The following XKR6 variants were observed in gnomAD, a reference collection of about 807,000 sequenced individuals.
XKR6 encodes the protein XK related 6.
A neutral mutation model predicts 56.7 loss-of-function variants in XKR6; 22 were observed. That is an observed-to-expected ratio of 0.39 (90% CI 0.28 to 0.55). XKR6 has a LOEUF of 0.55. Ranked by LOEUF, XKR6 falls within the 20% of genes least tolerant of loss-of-function variation. The pLI is 0.66. For missense variants in XKR6, 852 were observed against 889.0 expected (o/e 0.96, Z 0.53); for synonymous variants, 524 against 387.8 (o/e 1.35, Z -4.13).
chr8:10,949,508 AC>A (rs1308247278), intron 1 of XKR6, among the ~76,000 whole-genome samples: 4 of 152,224 alleles, frequency 2.6e-5, no homozygotes, highest in Admixed American at 6.5e-5. Flanking sequence ...AGGAAGGCAC[AC>A]CTGTTCCTAG....
At chr8:11,158,596 A>G (rs1247551521) in intron 1 of XKR6, among the ~76,000 whole-genome samples, 1 of 152,174 alleles carries the variant, frequency 6.6e-6, no homozygotes, top group African/African-American at 2.4e-5. Context: ...GACCAACACA[A>G]TCCCTCTTAT....
chr8:11,050,236 A>G (rs1213119317), intron 1 of XKR6, among the ~76,000 whole-genome samples: 1 of 152,202 alleles, frequency 6.6e-6, no homozygotes, highest in Admixed American at 6.5e-5. Flanking sequence ...GGGCAATGTA[A>G]CTGCGACAGG....
chr8:10,949,037 A>T (rs79072258), intron 1 of XKR6, among the ~76,000 whole-genome samples: 1 of 152,136 alleles, frequency 6.6e-6, no homozygotes, highest in African/African-American at 2.4e-5. Flanking sequence ...ATCTCCACTG[A>T]GTGAGCCTCA....
intron 1 of XKR6, among the ~76,000 whole-genome samples, chr8:11,191,749 A>G (rs536594827): frequency 6.6e-6 from 1 of 152,252 alleles, no homozygotes; most frequent in South Asian, 2.1e-4. Context: ...AAACAGCAAT[A>G]TAATTCATAA....
intron 2 of XKR6, among the ~76,000 whole-genome samples, chr8:10,900,975 T>C (rs554896288): frequency 6.7e-6 from 1 of 149,168 alleles, no homozygotes; most frequent in South Asian, 2.2e-4. Flanking sequence ...CCGTCTCCCA[T>C]ACATGGGACC....
Position 11,013,337 on chromosome 8 carries a change from G to A in XKR6, c.765-88507C>T, listed in dbSNP as rs529351181. 2.6e-5 allele frequency among the ~76,000 whole-genome samples: 4 copies of A among 152,312 alleles called. 1 individual carries two copies. The South Asian group carries it at 8.3e-4, about 32-fold the overall frequency. On this transcript the variant is annotated intron_variant, in intron 1 of 2. Transcript: ENST00000416569. ...TTTAAGGAGAGGAGAGGAGAGACAG[G>A]AGGAAGGTTTACTTTAGCCCATCAC... is the stretch of plus-strand genomic sequence containing the variant.
intron 1 of XKR6, among the ~76,000 whole-genome samples, chr8:11,178,545 A>AAT (rs1332661026): frequency 1.3e-5 from 1 of 78,990 alleles, no homozygotes; most frequent in Non-Finnish European, 3.8e-5. Context: ...CTGAGAGGTA[A>AAT]AAATATATAT....
intron 1 of XKR6, among the ~76,000 whole-genome samples, chr8:11,076,013 T>C (rs1800265303): frequency 6.6e-6 from 1 of 152,220 alleles, no homozygotes; most frequent in African/African-American, 2.4e-5. Context: ...ACATGGTCCA[T>C]CCATCCACTG....
At chr8:11,088,228 T>C (rs1285743722) in intron 1 of XKR6, among the ~76,000 whole-genome samples, 1 of 148,692 alleles carries the variant, frequency 6.7e-6, no homozygotes, top group African/African-American at 2.6e-5. Context: ...GTAAAAGAGA[T>C]ATTGTTAAAT....
At chr8:11,040,517 G>A (rs754890083) in intron 1 of XKR6, among the ~76,000 whole-genome samples, 4 of 152,224 alleles carry the variant, frequency 2.6e-5, no homozygotes, top group African/African-American at 7.2e-5. Context: ...GGGTGACCGT[G>A]CAATCCTGTC....
chr8:11,162,284 C>T (rs533532622), intron 1 of XKR6, among the ~76,000 whole-genome samples: 1 of 152,134 alleles, frequency 6.6e-6, no homozygotes, highest in Non-Finnish European at 1.5e-5. Flanking sequence ...ATCTGCTCAC[C>T]ACAGAGTAAA....
At chr8:11,020,767 T>C (rs777893418) in intron 1 of XKR6, among the ~76,000 whole-genome samples, 1 of 152,220 alleles carries the variant, frequency 6.6e-6, no homozygotes, top group Non-Finnish European at 1.5e-5. Flanking sequence ...TTTGAGATCC[T>C]TACTGAAGTA....
At chr8:10,972,801 C>CA (rs1359937694) in intron 1 of XKR6, among the ~76,000 whole-genome samples, 5 of 152,304 alleles carry the variant, frequency 3.3e-5, no homozygotes, top group African/African-American at 1.2e-4. Flanking sequence ...GATGATTACA[C>CA]AACAGTGTAG....
At position 10,915,006 on chromosome 8, in the gene XKR6, G is replaced by T. The variant is rs1178409508; in HGVS notation, c.961+9628C>A. Among the ~76,000 whole-genome samples, 6 of 152,340 alleles carry T rather than the reference G, an allele frequency of 3.9e-5. No individual in the cohort carries two copies. In the South Asian group the frequency reaches 1.0e-3, roughly 26 times the overall value. On this transcript the variant is annotated intron_variant, in intron 2 of 2. Coordinates refer to ENST00000416569, the MANE Select transcript of XKR6 (RefSeq NM_173683.4). ...TCTCGGCCCCACCCTCACCTCAGTG[G>T]CGCCTTCGTGGTCTCCCTGTTGAAG...
intron 1 of XKR6, among the ~76,000 whole-genome samples, chr8:11,195,826 T>C (rs1444000787): frequency 4.6e-5 from 7 of 151,818 alleles, no homozygotes; most frequent in Non-Finnish European, 7.4e-5. Context: ...TTTTTTTTTG[T>C]ATTTTTTAGT....
chr8:11,150,554 T>C (rs893241152), intron 1 of XKR6, among the ~76,000 whole-genome samples: 5 of 152,244 alleles, frequency 3.3e-5, no homozygotes, highest in Middle Eastern at 3.4e-3. Context: ...CAGAATGATC[T>C]CTTAAAATTC....
intron 1 of XKR6, among the ~76,000 whole-genome samples, chr8:11,016,000 CGGTTTGGT>C: frequency 6.6e-6 from 1 of 150,378 alleles, no homozygotes; most frequent in South Asian, 2.1e-4. Flanking sequence ...CGATCCGGCT[CGGTTTGGT>C]CAGCAGACCC....
At chr8:11,147,652 C>G (rs1801054730) in intron 1 of XKR6, among the ~76,000 whole-genome samples, 1 of 102,092 alleles carries the variant, frequency 9.8e-6, no homozygotes, top group Non-Finnish European at 2.0e-5. Context: ...GAGACTCTGT[C>G]TCAAAAAAAA....
intron 2 of XKR6, among the ~76,000 whole-genome samples, chr8:10,905,159 C>A (rs966837588): frequency 6.6e-6 from 1 of 152,132 alleles, no homozygotes; most frequent in South Asian, 2.1e-4. Flanking sequence ...CTGAAGCTGT[C>A]CCTCCTCTCC....
Sources: allele counts gnomAD v4.1 joint callset (sites outside exome capture counted in the v4.1 genomes callset), GRCh38; gene constraint gnomAD v4.1.1; transcripts MANE v1.5; gene names NCBI Gene and HGNC (gene_info 2026-07-23, HGNC 2026-07-21).